The following CNTNAP2 variants were observed in gnomAD, a reference collection of about 807,000 sequenced individuals.
The protein encoded by CNTNAP2 is contactin associated protein 2, also known as contactin-associated protein-like 2.
CNTNAP2 carries 98 observed loss-of-function variants against 155.2 expected under a neutral mutation model. The ratio of observed to expected loss-of-function variants is 0.63; its 90% CI spans 0.54 to 0.75. CNTNAP2 has a LOEUF of 0.75. Ranked by LOEUF, CNTNAP2 falls within the 30% of genes least tolerant of loss-of-function variation. The pLI, the probability that CNTNAP2 is intolerant of heterozygous loss-of-function variation, is 0.00. For synonymous variants in CNTNAP2, 651 were observed against 631.2 expected (o/e 1.03, Z -0.47); for missense variants, 1,727 against 1,688.1 (o/e 1.02, Z -0.40).
At position 146,243,295 on chromosome 7, in the gene CNTNAP2, T is replaced by G. The variant is rs568674744; in HGVS notation, c.97+126322T>G. Among the ~76,000 whole-genome samples the G allele has an allele frequency of 1.3e-4, 20 of 152,226 alleles. No individual in the cohort carries two copies. In the East Asian group the frequency reaches 3.7e-3, roughly 28 times the overall value. ...ATTTCTCCTTTATTTATATTAATTA[T>G]TTATGTATTGTACAATATAACTCCT... On this transcript the variant is annotated intron_variant, in intron 1 of 23. Transcript: ENST00000361727.
chr7:147,716,144 C>T (rs1007264519), intron 13 of CNTNAP2, among the ~76,000 whole-genome samples: 2 of 152,062 alleles, frequency 1.3e-5, no homozygotes, highest in African/African-American at 4.8e-5. Context: ...AGCATGTATC[C>T]ACCTACTACT....
At chr7:147,301,366 G>A (rs578070631) in intron 9 of CNTNAP2, among the ~76,000 whole-genome samples, 1 of 151,982 alleles carries the variant, frequency 6.6e-6, no homozygotes, top group African/African-American at 2.4e-5. Flanking sequence ...TAAAGTGCTG[G>A]GTACTTTGTT....
chr7:146,189,801 T>G (rs7785673), intron 1 of CNTNAP2, among the ~76,000 whole-genome samples: 44,386 of 152,076 alleles, frequency 0.29, 7,381 homozygotes, highest in African/African-American at 0.45. Flanking sequence ...TTTTGCTCAT[T>G]TAATGTAATC....
chr7:146,920,386 A>G lies in CNTNAP2; in HGVS notation c.402+80482A>G, dbSNP rs546740410. On this transcript the variant is annotated intron_variant, in intron 3 of 23. Transcript: ENST00000361727. Reference sequence around the variant, plus strand: ...CTGAGATTCCACGCCATTGCACTCCAGCCTGGAAGCCAAAAATGAAACTCC... The same window carrying G: ...CTGAGATTCCACGCCATTGCACTCCGGCCTGGAAGCCAAAAATGAAACTCC... 4.6e-5 allele frequency among the ~76,000 whole-genome samples: 7 copies of G among 152,166 alleles called. No individual in the cohort carries two copies. The South Asian group carries it at 1.2e-3, about 27-fold the overall frequency.
At chr7:147,117,443 G>T (rs970475029) in intron 5 of CNTNAP2, among the ~76,000 whole-genome samples, 16 of 152,086 alleles carry the variant, frequency 1.1e-4, no homozygotes, top group Non-Finnish European at 1.6e-4. Context: ...GCCCCATCCT[G>T]CTTTCCTTCA....
chr7:147,294,969 A>G (rs1805405294), intron 8 of CNTNAP2, among the ~76,000 whole-genome samples: 1 of 152,084 alleles, frequency 6.6e-6, no homozygotes, highest in Non-Finnish European at 1.5e-5. Flanking sequence ...TGAAAGACAA[A>G]TTATTAAATG....
intron 1 of CNTNAP2, among the ~76,000 whole-genome samples, chr7:146,333,861 G>A (rs757278818): frequency 2.6e-5 from 4 of 152,156 alleles, no homozygotes; most frequent in Admixed American, 2.0e-4. Flanking sequence ...CTAGACTGAA[G>A]AAATATGGAG....
intron 1 of CNTNAP2, among the ~76,000 whole-genome samples, chr7:146,627,579 A>T (rs1215141023): frequency 6.6e-6 from 1 of 152,114 alleles, no homozygotes; most frequent in Non-Finnish European, 1.5e-5. Flanking sequence ...TTTATAGGAA[A>T]TGGACGTAGG....
At chr7:147,428,771 A>C (rs950224410) in intron 10 of CNTNAP2, among the ~76,000 whole-genome samples, 1 of 151,950 alleles carries the variant, frequency 6.6e-6, no homozygotes, top group African/African-American at 2.4e-5. Context: ...TAAGGTTGTG[A>C]TTTTGTTGCT....
At chr7:146,446,112 CT>C (rs1296116129) in intron 1 of CNTNAP2, among the ~76,000 whole-genome samples, 1 of 152,030 alleles carries the variant, frequency 6.6e-6, no homozygotes, top group Admixed American at 6.6e-5. Context: ...AGAAAGATTG[CT>C]GAAGGCAAGA....
At chr7:147,768,872 C>T (rs34204970) in intron 13 of CNTNAP2, among the ~76,000 whole-genome samples, 68,472 of 151,562 alleles carry the variant, frequency 0.45, 18,271 homozygotes, top group African/African-American at 0.75. Context: ...TAGCAAATAG[C>T]TTTGCTAAAT....
At chr7:146,957,195 G>A (rs1329346607) in intron 3 of CNTNAP2, among the ~76,000 whole-genome samples, 1 of 152,150 alleles carries the variant, frequency 6.6e-6, no homozygotes, top group African/African-American at 2.4e-5. Context: ...TTTTCAGCAT[G>A]TTACTGTAGT....
intron 20 of CNTNAP2, among the ~76,000 whole-genome samples, chr7:148,234,116 C>T (rs1388021378): frequency 6.6e-6 from 1 of 152,160 alleles, no homozygotes; most frequent in African/African-American, 2.4e-5. Context: ...TTCTTTATAG[C>T]AGTGCAAGAA....
At chr7:148,250,538 G>A (rs992505851) in intron 20 of CNTNAP2, among the ~76,000 whole-genome samples, 6 of 152,130 alleles carry the variant, frequency 3.9e-5, no homozygotes, top group African/African-American at 1.4e-4. Flanking sequence ...GATGCACTCG[G>A]AGGCCCCTTT....
chr7:148,310,334 CAGTG>C (rs557947645), intron 21 of CNTNAP2, among the ~76,000 whole-genome samples: 11 of 152,286 alleles, frequency 7.2e-5, no homozygotes, highest in Admixed American at 3.9e-4. Context: ...CCTTTTTCAG[CAGTG>C]AGTAAGTCAA....
At chr7:147,329,210 T>C (rs1795513249) in intron 9 of CNTNAP2, among the ~76,000 whole-genome samples, 1 of 151,952 alleles carries the variant, frequency 6.6e-6, no homozygotes, top group African/African-American at 2.4e-5. Context: ...ACTACCACCA[T>C]GGATAATAGA....
At chr7:148,090,310 T>G (rs1489376066) in intron 15 of CNTNAP2, among the ~76,000 whole-genome samples, 2 of 152,018 alleles carry the variant, frequency 1.3e-5, no homozygotes, top group Non-Finnish European at 2.9e-5. Flanking sequence ...TCCAACAGAC[T>G]GAAGAGACAA....
chr7:147,835,537 C>G (rs566792656), intron 13 of CNTNAP2, among the ~76,000 whole-genome samples: 1 of 152,034 alleles, frequency 6.6e-6, no homozygotes, highest in Non-Finnish European at 1.5e-5. Context: ...GAGGTTAATA[C>G]CCTAAGAAAT....
chr7:148,090,317 A>G (rs1232910775), intron 15 of CNTNAP2, among the ~76,000 whole-genome samples: 4 of 152,202 alleles, frequency 2.6e-5, no homozygotes, highest in African/African-American at 9.6e-5. Flanking sequence ...GACTGAAGAG[A>G]CAACCTATGG....
Sources: gnomAD v4.1 joint callset for allele counts (sites outside exome capture counted in the v4.1 genomes callset) on GRCh38, gnomAD v4.1.1 for gene constraint, MANE v1.5 for transcripts, NCBI Gene and HGNC (gene_info 2026-07-23, HGNC 2026-07-21) for gene names.